Variants in TNK2 observed in about 807,000 individuals in gnomAD.
TNK2 encodes tyrosine kinase non receptor 2, also known as activated CDC42 kinase 1.
Under a neutral mutation model 101.8 loss-of-function variants are expected in TNK2, and 83 were observed. The ratio of observed to expected loss-of-function variants is 0.82; its 90% CI spans 0.68 to 0.98. TNK2 has a LOEUF of 0.98. Ranked by LOEUF, TNK2 falls within the 50% of genes least tolerant of loss-of-function variation. The pLI is 0.00. For synonymous variants in TNK2, 804 were observed against 633.0 expected (o/e 1.27, Z -4.06); for missense variants, 1,665 against 1,483.2 (o/e 1.12, Z -2.01).
At chr3:195,879,676 C>CG (rs1463077077) in intron 6 of TNK2, among the ~76,000 whole-genome samples, 1 of 152,116 alleles carries the variant, frequency 6.6e-6, no homozygotes, top group Non-Finnish European at 1.5e-5. Flanking sequence ...TGGGCACCCC[C>CG]GGTTGAGGGG....
At chr3:195,874,647 ACACTC>A (rs1747946311) in intron 9 of TNK2, among the ~76,000 whole-genome samples, 2 of 23,854 alleles carry the variant, frequency 8.4e-5, no homozygotes, top group South Asian at 1.5e-3. Context: ...GCGCCCACGC[ACACTC>A]CGAGGCACAA....
chr3:195,905,965 T>A (rs1761670362), intron 1 of TNK2, among the ~76,000 whole-genome samples: 1 of 152,176 alleles, frequency 6.6e-6, no homozygotes, highest in South Asian at 2.1e-4. Flanking sequence ...TATCAAGAAC[T>A]CTTCAGAACT....
Position 195,885,277 on chromosome 3 carries a change from G to T in TNK2, c.235-244C>A. The T allele has an allele frequency of 8.3e-7, 1 of 1,204,024 alleles. No individual in the cohort carries two copies. Among genetic ancestry groups the T allele is most frequent in the Non-Finnish European group, 1.1e-6 (1 of 891,928 alleles). 74.6% of individuals were successfully genotyped at this position (1,204,024 alleles called of 1,614,324 possible). Reference sequence around the variant, plus strand: ...GTGCCAGAAAGAGACCGACAGGCATGCAGCCTGTGGCTGAGCGGCCCCACA... The same window carrying T: ...GTGCCAGAAAGAGACCGACAGGCATTCAGCCTGTGGCTGAGCGGCCCCACA... On this transcript the variant is annotated intron_variant, in intron 3 of 15. Transcript: ENST00000672887. This position sits in a 1 kb window ranked among gnomAD's most constrained non-coding sequence, Gnocchi z 4.7.
chr3:195,905,293 G>A (rs556190831), intron 1 of TNK2, among the ~76,000 whole-genome samples: 87 of 152,128 alleles, frequency 5.7e-4, no homozygotes, highest in Admixed American at 1.8e-3. Context: ...TCCGCCTCCC[G>A]GGTTCATGCG....
chr3:195,871,662 G>A (rs962841503), intron 10 of TNK2, among the ~76,000 whole-genome samples: 2 of 152,126 alleles, frequency 1.3e-5, no homozygotes, highest in Non-Finnish European at 2.9e-5. Context: ...TGTGGCTCCG[G>A]GGACCTTTCC....
At chr3:195,869,287 A>G in intron 12 of TNK2, 1 of 618,066 alleles carries the variant, frequency 1.6e-6, no homozygotes, top group Non-Finnish European at 2.9e-6. Flanking sequence ...GGCGGAAGCC[A>G]GGGCCACACT....
intron 12 of TNK2, chr3:195,869,063 G>GT: frequency 2.2e-6 from 1 of 462,100 alleles, no homozygotes; most frequent in Non-Finnish European, 3.9e-6. Context: ...CCTCATCCCC[G>GT]CCCCTGTCAC....
At chr3:195,905,651 G>A (rs564180038) in intron 1 of TNK2, among the ~76,000 whole-genome samples, 4 of 151,590 alleles carry the variant, frequency 2.6e-5, no homozygotes, top group African/African-American at 9.7e-5. Flanking sequence ...AACCCCAAAC[G>A]AATCCTAGAT....
At position 195,900,188 on chromosome 3, in the gene TNK2, G is replaced by A. The variant is rs148743046; in HGVS notation, c.-19+8297C>T. Among the ~76,000 whole-genome samples the A allele has an allele frequency of 4.0e-3, 604 of 152,120 alleles. 4 individuals carry two copies. The highest frequency in any genetic ancestry group is 0.014 in the African/African-American group (575 of 41,506). On this transcript the variant is annotated intron_variant, in intron 1 of 15. Coordinates refer to ENST00000672887, the MANE Select transcript of TNK2 (RefSeq NM_001382273.1). ...GGACTGCGAAGGGGTGCTGGGGCGC[G>A]GGCTGCCACACAGGGTGATGGGAAG...
rs1750908990 is a variant in TNK2, at chr3:195,878,914, C to CGGGGCGTGGG, written c.1014+134_1014+135insCCCACGCCCC. On this transcript the variant is annotated intron_variant, in intron 7 of 15. Transcript: ENST00000672887. This position sits in a 1 kb window ranked among gnomAD's most constrained non-coding sequence, Gnocchi z 4.7. The stretch of plus-strand genomic sequence containing the variant: ...GAGACACGGGGCGTGGTGGGAGGCA[C>CGGGGCGTGGG]GGGAAGTGGGGGGAGGCACGGGGCG... 5.1e-6 allele frequency: 7 copies of CGGGGCGTGGG among 1,385,280 alleles called. No homozygotes were observed. The East Asian group carries it at 1.2e-4, about 23-fold the overall frequency. 85.8% of individuals were successfully genotyped at this position (1,385,280 alleles called of 1,614,324 possible). A position where few individuals can be genotyped will look rare whatever the true frequency, so the allele number is the denominator to read the frequency against.
chr3:195,905,910 A>T (rs1761663551), intron 1 of TNK2, among the ~76,000 whole-genome samples: 2 of 152,224 alleles, frequency 1.3e-5, no homozygotes, highest in Admixed American at 1.3e-4. Context: ...GCTGGAAAAA[A>T]GATTTGTAAA....
Position 195,885,140 on chromosome 3 carries a change from T to C in TNK2, c.235-107A>G. ...GTGATCCCCGGCTTCGGCTTCCAGATAGGTCCTGGTTTTGCCAAACTGTCA... is the reference window on the plus strand; with the variant it reads ...GTGATCCCCGGCTTCGGCTTCCAGACAGGTCCTGGTTTTGCCAAACTGTCA... On this transcript the variant is annotated intron_variant, in intron 3 of 15. Coordinates refer to ENST00000672887, the MANE Select transcript of TNK2 (RefSeq NM_001382273.1). The surrounding 1 kb of genome is among the most constrained non-coding windows in gnomAD (Gnocchi z 4.7). 3.2e-6 allele frequency: 4 copies of C among 1,251,438 alleles called. No homozygotes were observed. The highest frequency in any genetic ancestry group is 4.4e-6 in the Non-Finnish European group (4 of 915,240). 77.5% of individuals were successfully genotyped at this position (1,251,438 alleles called of 1,614,324 possible).
intron 1 of TNK2, among the ~76,000 whole-genome samples, chr3:195,899,483 C>A (rs1219771240): frequency 6.6e-6 from 1 of 152,044 alleles, no homozygotes; most frequent in Non-Finnish European, 1.5e-5. Context: ...TGCGCCACCA[C>A]GCCCAGCTAA....
intron 1 of TNK2, among the ~76,000 whole-genome samples, chr3:195,902,878 T>C (rs184395551): frequency 2.3e-4 from 35 of 151,636 alleles, no homozygotes; most frequent in Admixed American, 6.6e-4. Context: ...GCCTCCCAAG[T>C]AGCTGGAATT....
chr3:195,874,248 G>A (rs1053289632), intron 9 of TNK2, among the ~76,000 whole-genome samples: 2 of 152,266 alleles, frequency 1.3e-5, no homozygotes, highest in Non-Finnish European at 2.9e-5. Context: ...CGTGACTCGT[G>A]CCCAAGGCAG....
intron 9 of TNK2, among the ~76,000 whole-genome samples, chr3:195,874,029 C>T (rs1747373967): frequency 6.6e-6 from 1 of 152,140 alleles, no homozygotes; most frequent in South Asian, 2.1e-4. Flanking sequence ...AGGAGCAGAG[C>T]CCCGGCTCCC....
At chr3:195,867,125 C>T (rs747050529) in intron 14 of TNK2, 44 bp downstream of exon 14, 14 of 1,609,114 alleles carry the variant, frequency 8.7e-6, no homozygotes, top group South Asian at 3.3e-5. Flanking sequence ...CAGAACCAGG[C>T]TTCAGGGTCC....
chr3:195,865,721 C>T (rs1740368769), intron 15 of TNK2, among the ~76,000 whole-genome samples: 1 of 151,910 alleles, frequency 6.6e-6, no homozygotes, highest in South Asian at 2.1e-4. Context: ...ATGGGACAGA[C>T]AGGTGACAGG....
intron 15 of TNK2, 125 bp downstream of exon 15, chr3:195,866,764 A>C (rs1184283575): frequency 1.4e-6 from 2 of 1,381,340 alleles, no homozygotes; most frequent in Non-Finnish European, 1.9e-6. Context: ...TCCCTCCCGC[A>C]GCTGGAGAGC....
Sources: allele counts gnomAD v4.1 joint callset (sites outside exome capture counted in the v4.1 genomes callset), GRCh38; gene constraint gnomAD v4.1.1; non-coding constraint Gnocchi (gnomAD v3.1); transcripts MANE v1.5; gene names NCBI Gene and HGNC (gene_info 2026-07-23, HGNC 2026-07-21).